The following TRPV3 variants were observed in gnomAD, a reference collection of about 807,000 sequenced individuals.
The protein encoded by TRPV3 is transient receptor potential cation channel subfamily V member 3.
In TRPV3, 88 loss-of-function variants were observed where a neutral mutation model predicts 87.1. That is an observed-to-expected ratio of 1.01 (90% confidence interval 0.85 to 1.21). The LOEUF is 1.21. TRPV3 is among the 50% of genes most tolerant of loss of function. The probability of loss-of-function intolerance (pLI) is 0.00; values close to 1 mark genes in which losing one functional copy is unlikely to be tolerated. For synonymous variants in TRPV3, 438 were observed against 423.3 expected, an observed-to-expected ratio of 1.03 and a Z score of -0.43; for missense variants, 1,054 against 1,030.1, an observed-to-expected ratio of 1.02 and a Z score of -0.32.
intron 2 of TRPV3, among the ~76,000 whole-genome samples, chr17:3,549,769 GATGATGC>G (rs1567645606): frequency 1.9e-4 from 28 of 150,200 alleles, no homozygotes; most frequent in Non-Finnish European, 3.0e-5. Flanking sequence ...TGGATGGATA[GATGATGC>G]GTAGATGAGT....
chr17:3,529,486 T>C (rs2074329721), intron 9 of TRPV3, among the ~76,000 whole-genome samples: 1 of 152,132 alleles, frequency 6.6e-6, no homozygotes. Flanking sequence ...AGACCCAGCC[T>C]GCTGCCTCAC....
chr17:3,522,117 GAC>G (rs1426754825), intron 13 of TRPV3, among the ~76,000 whole-genome samples: 1 of 152,028 alleles, frequency 6.6e-6, no homozygotes, highest in East Asian at 1.9e-4. Flanking sequence ...ATAAAACAAA[GAC>G]AATAAATGTT....
intron 13 of TRPV3, among the ~76,000 whole-genome samples, chr17:3,523,198 A>ATTATGTATG (rs1382924351): frequency 2.6e-5 from 4 of 152,256 alleles, no homozygotes; most frequent in African/African-American, 9.6e-5. Flanking sequence ...CATTATGTAT[A>ATTATGTATG]GCACAAAAAT....
At chr17:3,523,701 G>A (rs534532020) in intron 13 of TRPV3, among the ~76,000 whole-genome samples, 75 of 140,240 alleles carry the variant, frequency 5.3e-4, no homozygotes, top group Non-Finnish European at 1.0e-3. Flanking sequence ...CTGGGCAGCA[G>A]AGCAAGACTT....
intron 13 of TRPV3, 58 bp from the exon 14 acceptor site, chr17:3,521,097 TG>T: frequency 9.5e-7 from 1 of 1,058,062 alleles, no homozygotes. Flanking sequence ...CACGGCACCC[TG>T]ATCTTCCTGC....
At chr17:3,527,692 C>T in intron 11 of TRPV3, 1 of 376,424 alleles carries the variant, frequency 2.7e-6, no homozygotes, top group East Asian at 6.6e-5. Flanking sequence ...GATGAGTGGA[C>T]ATGTGAATGG....
In TRPV3 at chr17:3,518,961, T is replaced by A. The variant is rs892307742; in HGVS notation, c.1811-111A>T. ...CCTGCTGCCTCCTTCTCTCTGGCCA[T>A]TAAATCCCATCTCCAGTTTCAGGTC... On this transcript the variant is annotated intron_variant, in intron 14 of 17. Coordinates refer to ENST00000576742, the MANE Select transcript of TRPV3 (RefSeq NM_145068.4). The surrounding 1 kb of genome is among the most constrained non-coding windows in gnomAD (Gnocchi z 4.3). 12 of 1,201,634 alleles carry A rather than the reference T, an allele frequency of 1.0e-5. No homozygotes were observed. Among genetic ancestry groups the A allele is most frequent in the Non-Finnish European group, 1.3e-5 (11 of 875,934 alleles). The allele number at this position is 1,201,634 out of a possible 1,614,324, so 74.4% of individuals were successfully genotyped here.
intron 12 of TRPV3, 47 bp from the exon 13 acceptor site, chr17:3,524,410 T>C (rs1321980796): frequency 1.2e-6 from 2 of 1,607,734 alleles, no homozygotes; most frequent in Non-Finnish European, 1.7e-6. Flanking sequence ...CTTCTCAGCA[T>C]CAGGGCAAAG....
intron 13 of TRPV3, among the ~76,000 whole-genome samples, chr17:3,522,158 C>G (rs1300559246): frequency 1.3e-5 from 2 of 152,142 alleles, no homozygotes; most frequent in Non-Finnish European, 2.9e-5. Flanking sequence ...AGTTATTTCA[C>G]TATATTTACA....
chr17:3,547,410 C>T (rs1041359761), intron 2 of TRPV3, among the ~76,000 whole-genome samples: 4 of 152,224 alleles, frequency 2.6e-5, no homozygotes, highest in Middle Eastern at 3.4e-3. Context: ...CACTTGAGGT[C>T]GGGAGTTTGA....
In TRPV3 at chr17:3,518,519, A is replaced by T. The variant is rs2074204019; in HGVS notation, c.2085+57T>A. 6.7e-7 allele frequency: 1 copy of T among 1,501,624 alleles called. No individual in the cohort carries two copies. Among genetic ancestry groups the T allele is most frequent in the Admixed American group, 2.2e-5 (1 of 46,012 alleles). The allele number at this position is 1,501,624 out of a possible 1,614,324, so 93.0% of individuals were successfully genotyped here. On this transcript the variant is annotated intron_variant, in intron 15 of 17. Coordinates refer to ENST00000576742, the MANE Select transcript of TRPV3 (RefSeq NM_145068.4). The surrounding 1 kb of genome is among the most constrained non-coding windows in gnomAD (Gnocchi z 4.3). ...CTGGTGCTGACAGTAGTCAATGACCACGTGCTGAACTGAGTCCCGTGGAGG... is the reference window on the plus strand; with the variant it reads ...CTGGTGCTGACAGTAGTCAATGACCTCGTGCTGAACTGAGTCCCGTGGAGG...
chr17:3,543,015 G>T (rs322938), intron 5 of TRPV3, among the ~76,000 whole-genome samples: 56,909 of 151,152 alleles, frequency 0.38, 10,953 homozygotes, highest in Middle Eastern at 0.44. Flanking sequence ...CTCGTGGCCT[G>T]CAAATAAAGC....
At chr17:3,549,123 A>G (rs375183330) in intron 2 of TRPV3, among the ~76,000 whole-genome samples, 9 of 152,138 alleles carry the variant, frequency 5.9e-5, no homozygotes, top group Admixed American at 3.3e-4. Context: ...AGATTTGCCA[A>G]ATTATCTCCA....
At chr17:3,551,258 T>C (rs2074571093) in intron 2 of TRPV3, among the ~76,000 whole-genome samples, 1 of 152,054 alleles carries the variant, frequency 6.6e-6, no homozygotes, top group African/African-American at 2.4e-5. Flanking sequence ...GGACCCCAAC[T>C]GTTGGGCAAA....
chr17:3,535,387 C>T (rs558742092), intron 7 of TRPV3, among the ~76,000 whole-genome samples, 186 bp downstream of exon 7: 4 of 138,476 alleles, frequency 2.9e-5, no homozygotes, highest in Non-Finnish European at 4.7e-5. Flanking sequence ...CTTCCTCCCT[C>T]CTCCCTCTCC....
intron 15 of TRPV3, 50 bp from the exon 16 acceptor site, chr17:3,516,619 A>G (rs1367020385): frequency 1.6e-6 from 2 of 1,284,752 alleles, no homozygotes; most frequent in African/African-American, 2.9e-5. Flanking sequence ...TCACAAGCAC[A>G]CACAAGGGCA....
chr17:3,535,505 C>T, intron 7 of TRPV3, 68 bp downstream of exon 7: 1 of 1,438,460 alleles, frequency 7.0e-7, no homozygotes, highest in Non-Finnish European at 9.2e-7. Flanking sequence ...CTTCCCCTTC[C>T]CTCCCTTCCT....
chr17:3,510,602 GT>G lies in TRPV3; in HGVS notation c.*3314del, dbSNP rs1264245234. The stretch of plus-strand genomic sequence containing the variant: ...GTATGATTTCTTTCTTGAACATAGA[GT>G]TTCGCACACACATACACACTAAGAA... On this transcript the variant is annotated 3_prime_UTR_variant, in exon 18 of 18. Coordinates refer to ENST00000576742, the MANE Select transcript of TRPV3 (RefSeq NM_145068.4). The G allele has an allele frequency of 2.0e-5, 3 of 152,220 alleles. No individual in the cohort carries two copies. Among genetic ancestry groups the G allele is most frequent in the Non-Finnish European group, 4.4e-5 (3 of 68,036 alleles). The allele number at this position is 152,220 out of a possible 1,614,324, so 9.4% of individuals were successfully genotyped here. A position where few individuals can be genotyped will look rare whatever the true frequency, so the allele number is the denominator to read the frequency against.
chr17:3,514,727 C>G, intron 16 of TRPV3, 55 bp from the exon 17 acceptor site: 1 of 1,390,556 alleles, frequency 7.2e-7, no homozygotes, highest in Non-Finnish European at 1.0e-6. Context: ...TGAGTACTAA[C>G]AAATAGCCCT....
Sources: gnomAD v4.1 joint callset for allele counts (sites outside exome capture counted in the v4.1 genomes callset) on GRCh38, gnomAD v4.1.1 for gene constraint, Gnocchi (gnomAD v3.1) non-coding constraint, MANE v1.5 for transcripts, NCBI Gene and HGNC (gene_info 2026-07-23, HGNC 2026-07-21) for gene names.